Variants in ITFG2 observed in about 807,000 individuals in gnomAD.
ITFG2 encodes the protein integrin alpha FG-GAP repeat containing 2, also known as KICSTOR complex protein ITFG2.
A neutral mutation model predicts 54.4 loss-of-function variants in ITFG2; 36 were observed. The ratio of observed to expected loss-of-function variants is 0.66; its 90% CI spans 0.51 to 0.87. The LOEUF (loss-of-function observed/expected upper bound fraction) is 0.87. Among genes scored for constraint, ITFG2 ranks in the 40% least tolerant of loss-of-function variants. The probability of loss-of-function intolerance (pLI) is 0.00; values close to 1 mark genes in which losing one functional copy is unlikely to be tolerated. For synonymous variants in ITFG2, 211 were observed against 225.4 expected, an observed-to-expected ratio of 0.94 and a Z score of 0.57; for missense variants, 524 against 576.7, an observed-to-expected ratio of 0.91 and a Z score of 0.94.
chr12:2,830,618 T>C (rs904907182), intron 2 of ITFG2: 9 of 1,379,666 alleles, frequency 6.5e-6, no homozygotes, highest in Non-Finnish European at 8.8e-6. Context: ...CCTCCCTCCC[T>C]CTCCCATCAG....
rs769282731 is a variant in ITFG2 at position 2,812,766 on chromosome 12, G to A, written c.6G>A (p.Arg2=). 5 of 1,609,314 alleles carry A rather than the reference G, an allele frequency of 3.1e-6. No homozygotes were observed. Among genetic ancestry groups the A allele is most frequent in the Non-Finnish European group, 4.3e-6 (5 of 1,175,926 alleles). The change falls in exon 1 of 12, where the codon AGG becomes AGA. Residue 2 remains arginine, a synonymous_variant. Transcript: ENST00000228799. ...CCTCTGCTCTTGGAGGTGCCATGAG[G>A]TCAGTTAGCTACGTGCAGCGCGTGG... M[R]SVSYVQRVAL...
At chr12:2,818,633 AC>A (rs2097930083) in intron 4 of ITFG2, 1 of 322,054 alleles carries the variant, frequency 3.1e-6, no homozygotes, top group Non-Finnish European at 5.9e-6. Context: ...ACTGCACTCC[AC>A]TCCAGCGTGG....
chr12:2,857,155 C>T (rs1212322808), intron 2 of ITFG2: 2 of 691,124 alleles, frequency 2.9e-6, no homozygotes, highest in African/African-American at 1.8e-5. Context: ...CTCACCTGTC[C>T]CTGGAGCCTC....
At chr12:2,858,911 C>T (rs749814710) in intron 3 of ITFG2, 26 of 1,613,588 alleles carry the variant, frequency 1.6e-5, no homozygotes, top group East Asian at 4.5e-5. Flanking sequence ...GGAGCCTTTG[C>T]GGTGATTCAA....
chr12:2,855,793 G>A (rs1464933794), intron 2 of ITFG2, among the ~76,000 whole-genome samples: 2 of 152,108 alleles, frequency 1.3e-5, no homozygotes, highest in African/African-American at 4.8e-5. Context: ...CTCCTTAGAG[G>A]GCACATCAGG....
rs535129420 is a variant in ITFG2 at position 2,856,722 on chromosome 12, T to C, written n.301-1290T>C. 6.6e-5 allele frequency among the ~76,000 whole-genome samples: 10 copies of C among 152,310 alleles called. No homozygotes were observed. The South Asian group carries it at 2.1e-3, about 32-fold the overall frequency. On this transcript the variant is annotated intron_variant and non_coding_transcript_variant, in intron 2 of 3. Coordinates refer to the ITFG2 transcript ENST00000537710. ...TTCTTGAGCTTGGGCCCCTAAGTCA[T>C]TTCTACAGGATCACCCCAGTGGGTG...
At chr12:2,834,973 A>G, upstream of ITFG2, 1 of 1,581,424 alleles carries the variant, frequency 6.3e-7, no homozygotes, top group East Asian at 2.3e-5. Context: ...AAGAGGAAAA[A>G]TAAATAACAT....
upstream of ITFG2, among the ~76,000 whole-genome samples, chr12:2,833,395 T>A (rs1351301983): frequency 6.6e-6 from 1 of 151,834 alleles, no homozygotes; most frequent in Non-Finnish European, 1.5e-5. Context: ...GTGCAATCCC[T>A]TTTCTCGTTG....
intron 2 of ITFG2, chr12:2,849,306 G>A: frequency 6.5e-7 from 1 of 1,536,148 alleles, no homozygotes; most frequent in Non-Finnish European, 8.7e-7. Context: ...GATGGTGGAG[G>A]GGTAAGGCAG....
At chr12:2,850,434 T>C (rs2098066264) in intron 2 of ITFG2, among the ~76,000 whole-genome samples, 1 of 137,182 alleles carries the variant, frequency 7.3e-6, no homozygotes, top group Non-Finnish European at 1.5e-5. Context: ...GCCCAGATCA[T>C]GCCACTGCAC....
At chr12:2,827,488 A>G, downstream of ITFG2, 1 of 1,545,694 alleles carries the variant, frequency 6.5e-7, no homozygotes. The surrounding 1 kb of genome is among the most constrained non-coding windows in gnomAD (Gnocchi z 4.0). Flanking sequence ...GGTGGTAAGT[A>G]AGGAACCTCT....
intron 1 of ITFG2, among the ~76,000 whole-genome samples, chr12:2,816,329 C>T (rs1194790133): frequency 1.4e-4 from 19 of 138,068 alleles, no homozygotes; most frequent in African/African-American, 5.2e-4. Flanking sequence ...CCGCACACAG[C>T]CTTTTTTTTT....
chr12:2,827,306 G>A (rs370809258), downstream of ITFG2: 2 of 1,611,470 alleles, frequency 1.2e-6, no homozygotes, highest in African/African-American at 2.7e-5. This position sits in a 1 kb window ranked among gnomAD's most constrained non-coding sequence, Gnocchi z 4.0. Context: ...AGCACTGCGG[G>A]GTGTAGAGCA....
chr12:2,814,568 G>A (rs61916642), intron 1 of ITFG2, among the ~76,000 whole-genome samples: 24,684 of 152,034 alleles, frequency 0.16, 2,183 homozygotes, highest in South Asian at 0.34. Context: ...GATGGCTCAC[G>A]CCTGTAATCT....
rs527459601 is a variant in ITFG2 at position 2,845,427 on chromosome 12, T to G, written n.300+4432T>G. 2.2e-3 allele frequency among the ~76,000 whole-genome samples: 336 copies of G among 152,280 alleles called. 2 individuals are homozygous for G. The highest frequency in any genetic ancestry group is 7.7e-3 in the African/African-American group (320 of 41,564). ...CAGTCCCCACAGCTTCCCGACTCCC[T>G]GGCCCCAGCCATTCCTCAAGCTCCC... On this transcript the variant is annotated intron_variant and non_coding_transcript_variant, in intron 2 of 3. Transcript: ENST00000537710. The surrounding 1 kb of genome is among the most constrained non-coding windows in gnomAD (Gnocchi z 4.2).
intron 1 of ITFG2, among the ~76,000 whole-genome samples, chr12:2,839,448 G>C (rs917010562): frequency 6.6e-6 from 1 of 152,194 alleles, no homozygotes; most frequent in African/African-American, 2.4e-5. Flanking sequence ...CAAAACACTT[G>C]GAAAATGTCT....
chr12:2,815,296 A>C (rs1345030781), intron 1 of ITFG2, among the ~76,000 whole-genome samples: 1 of 152,196 alleles, frequency 6.6e-6, no homozygotes, highest in Admixed American at 6.5e-5. Context: ...TACCCCCAAG[A>C]GGAGATCATA....
downstream of ITFG2, chr12:2,826,833 G>A (rs1349279657): frequency 6.3e-6 from 2 of 316,792 alleles, no homozygotes; most frequent in Non-Finnish European, 5.4e-6. Context: ...GTTGAGTTGT[G>A]TTTGGGGTGG....
exon 4 of ITFG2, chr12:2,859,641 A>G (rs1442833161): frequency 6.2e-7 from 1 of 1,609,812 alleles, no homozygotes; most frequent in Non-Finnish European, 8.5e-7. Flanking sequence ...AAGAGGAGCT[A>G]TCCCCTCCTC....
Sources: allele counts gnomAD v4.1 joint callset (sites outside exome capture counted in the v4.1 genomes callset), GRCh38; gene constraint gnomAD v4.1.1; non-coding constraint Gnocchi (gnomAD v3.1); transcripts MANE v1.5; gene names NCBI Gene and HGNC (gene_info 2026-07-23, HGNC 2026-07-21).